The following PRIMPOL variants were observed in gnomAD, a reference collection of about 807,000 sequenced individuals.
PRIMPOL encodes DNA-directed primase/polymerase protein.
A neutral mutation model predicts 63.6 loss-of-function variants in PRIMPOL; 54 were observed. The ratio of observed to expected loss-of-function variants is 0.85; its 90% CI spans 0.68 to 1.07. The LOEUF (loss-of-function observed/expected upper bound fraction) is 1.07. PRIMPOL is among the 50% of genes least tolerant of loss of function. The pLI is 0.00. For missense variants in PRIMPOL, 610 were observed against 648.3 expected (o/e 0.94, Z 0.64); for synonymous variants, 197 against 220.2 (o/e 0.89, Z 0.93).
intron 6 of PRIMPOL, among the ~76,000 whole-genome samples, chr4:184,669,118 G>A (rs1247021866): frequency 6.6e-6 from 1 of 151,990 alleles, no homozygotes; most frequent in African/African-American, 2.4e-5. Flanking sequence ...ATACCTTTAG[G>A]GACTTGTCCT....
intron 1 of PRIMPOL, among the ~76,000 whole-genome samples, chr4:184,650,709 T>C (rs1579228718): frequency 6.6e-6 from 1 of 152,166 alleles, no homozygotes; most frequent in African/African-American, 2.4e-5. Flanking sequence ...CACCAACACA[T>C]GTGAGCACGA....
chr4:184,667,697 C>T (rs1438225801), intron 6 of PRIMPOL, among the ~76,000 whole-genome samples: 1 of 152,126 alleles, frequency 6.6e-6, no homozygotes, highest in Non-Finnish European at 1.5e-5. Flanking sequence ...TAATTTATCT[C>T]CTAGCACGCA....
rs549590522 is a variant in PRIMPOL at position 184,691,488 on chromosome 4, T to A, written c.1296-11T>A. On this transcript the variant is annotated splice_polypyrimidine_tract_variant and intron_variant, in intron 11 of 13. Coordinates refer to ENST00000314970, the MANE Select transcript of PRIMPOL (RefSeq NM_152683.4). Reference sequence around the variant, plus strand: ...GGTATTAATACTTTTTTTTTTTTTTTAAACATAAAGGATTCTGGTTGATCT... The same window carrying A: ...GGTATTAATACTTTTTTTTTTTTTTAAAACATAAAGGATTCTGGTTGATCT... 66 of 1,340,550 alleles carry A rather than the reference T, an allele frequency of 4.9e-5. No homozygotes were observed. The highest frequency in any genetic ancestry group is 3.6e-4 in the African/African-American group (24 of 67,540). The allele number at this position is 1,340,550 out of a possible 1,614,324, so 83.0% of individuals were successfully genotyped here. A position where few individuals can be genotyped will look rare whatever the true frequency, so the allele number is the denominator to read the frequency against.
intron 8 of PRIMPOL, among the ~76,000 whole-genome samples, chr4:184,679,078 A>G (rs1243806677): frequency 6.6e-6 from 1 of 152,160 alleles, no homozygotes; most frequent in Non-Finnish European, 1.5e-5. Flanking sequence ...TATAATTTGT[A>G]TAGCTCCTTT....
rs574108932 is a variant in PRIMPOL at position 184,665,738 on chromosome 4, C to A, written c.409-179C>A. On this transcript the variant is annotated intron_variant, in intron 5 of 13. Coordinates refer to ENST00000314970, the MANE Select transcript of PRIMPOL (RefSeq NM_152683.4). ...TAGGCTGGTCTCAAACTTCTGACTT[C>A]AAGTAATCTGCCCGCCTTGGCCTCC... Among the ~76,000 whole-genome samples the A allele has an allele frequency of 1.7e-4, 26 of 152,048 alleles. 1 individual carries two copies. The South Asian group carries it at 5.4e-3, about 32-fold the overall frequency.
intron 7 of PRIMPOL, among the ~76,000 whole-genome samples, chr4:184,673,945 CA>C (rs1159852627): frequency 6.6e-6 from 1 of 152,216 alleles, no homozygotes; most frequent in African/African-American, 2.4e-5. Context: ...GCCACACGGG[CA>C]GAGGCACCTT....
At position 184,669,045 on chromosome 4, in the gene PRIMPOL, C is replaced by T. The variant is rs888840383; in HGVS notation, c.556+2981C>T. On this transcript the variant is annotated intron_variant, in intron 6 of 13. Coordinates refer to ENST00000314970, the MANE Select transcript of PRIMPOL (RefSeq NM_152683.4). The stretch of plus-strand genomic sequence containing the variant: ...CACTTGCTGATGCTGCTGTCTGACA[C>T]GATGTGGTCTGTTCACCTGGTCCTC... Among the ~76,000 whole-genome samples, 7 of 152,106 alleles carry T rather than the reference C, an allele frequency of 4.6e-5. 1 individual carries two copies. The highest frequency in any genetic ancestry group is 1.4e-4 in the African/African-American group (6 of 41,416).
rs528449389 is a variant in PRIMPOL at position 184,673,613 on chromosome 4, C to T, written c.844+1153C>T. Among the ~76,000 whole-genome samples the T allele has an allele frequency of 8.6e-5, 13 of 151,928 alleles. No individual in the cohort carries two copies. In the East Asian group the frequency reaches 1.9e-3, roughly 23 times the overall value. Reference sequence around the variant, plus strand: ...CTAATTTTTGTATTTTTAGTACAGACGGGGTTTCACCATGTTGGCCAGGCT... The same window carrying T: ...CTAATTTTTGTATTTTTAGTACAGATGGGGTTTCACCATGTTGGCCAGGCT... On this transcript the variant is annotated intron_variant, in intron 7 of 13. Coordinates refer to ENST00000314970, the MANE Select transcript of PRIMPOL (RefSeq NM_152683.4).
chr4:184,651,290 C>CAAAAAAAAAAAAAAAAA (rs1203681677), intron 1 of PRIMPOL, among the ~76,000 whole-genome samples: 3 of 143,924 alleles, frequency 2.1e-5, no homozygotes, highest in African/African-American at 5.7e-5. Flanking sequence ...GACTCTGTCT[C>CAAAAAAAAAAAAAAAAA]AAAAAAAAGA....
At chr4:184,683,810 T>C (rs1756294117) in intron 9 of PRIMPOL, among the ~76,000 whole-genome samples, 2 of 152,208 alleles carry the variant, frequency 1.3e-5, no homozygotes, top group South Asian at 2.1e-4. Flanking sequence ...AGCAAAAAAC[T>C]GACAGCAATC....
chr4:184,664,714 T>TA (rs1197298462), intron 5 of PRIMPOL, among the ~76,000 whole-genome samples: 1 of 152,234 alleles, frequency 6.6e-6, no homozygotes, highest in Non-Finnish European at 1.5e-5. Flanking sequence ...AAATGTAGTC[T>TA]TTGTTCTGGA....
intron 1 of PRIMPOL, among the ~76,000 whole-genome samples, chr4:184,650,452 G>C (rs192366160): frequency 6.5e-4 from 99 of 152,132 alleles, no homozygotes; most frequent in African/African-American, 2.3e-3. Context: ...TAATGGAAGA[G>C]AGTGCTTGTT....
intron 1 of PRIMPOL, among the ~76,000 whole-genome samples, 174 bp from the exon 2 acceptor site, chr4:184,651,849 A>G (rs1291774519): frequency 6.6e-6 from 1 of 152,174 alleles, no homozygotes; most frequent in African/African-American, 2.4e-5. Context: ...GGGTTTCACC[A>G]TGTTGGCCAG....
Position 184,657,715 on chromosome 4 carries a change from C to T in PRIMPOL, c.180+395C>T, listed in dbSNP as rs377083666. 1.5e-3 allele frequency: 240 copies of T among 157,890 alleles called. 3 individuals carry two copies. The South Asian group carries it at 0.042, about 28-fold the overall frequency. 9.8% of individuals were successfully genotyped at this position (157,890 alleles called of 1,614,324 possible). A position where few individuals can be genotyped will look rare whatever the true frequency, so the allele number is the denominator to read the frequency against. On this transcript the variant is annotated intron_variant, in intron 3 of 13. Transcript: ENST00000314970. ...GTGCTGAAAAATAAAAATCACTGGC[C>T]GGGCGAGGTGGCTCATGCCTGTAAT...
At chr4:184,657,995 AAAATAAATAAATAAATAAAT>A (rs58284286) in intron 3 of PRIMPOL, among the ~76,000 whole-genome samples, 2 of 134,954 alleles carry the variant, frequency 1.5e-5, no homozygotes, top group African/African-American at 5.6e-5. Context: ...CTCCATCTCA[AAAATAAATAAATAAATAAAT>A]AAATAAATAA....
chr4:184,678,493 T>A (rs927666090), intron 8 of PRIMPOL, 99 bp downstream of exon 8: 8 of 904,044 alleles, frequency 8.8e-6, no homozygotes, highest in Non-Finnish European at 1.2e-5. Context: ...CTAAATTCAT[T>A]CTACCTTAAG....
chr4:184,686,767 T>C (rs1236425292), intron 11 of PRIMPOL, among the ~76,000 whole-genome samples: 1 of 152,000 alleles, frequency 6.6e-6, no homozygotes, highest in Non-Finnish European at 1.5e-5. Context: ...TGGAAACACA[T>C]TGGGTAGCAT....
chr4:184,682,740 A>G, intron 9 of PRIMPOL, among the ~76,000 whole-genome samples: 1 of 152,192 alleles, frequency 6.6e-6, no homozygotes, highest in Non-Finnish European at 1.5e-5. Context: ...AAGTGTTCAT[A>G]ATCACTGACC....
intron 5 of PRIMPOL, 96 bp downstream of exon 5, chr4:184,661,999 CTCT>C: frequency 9.0e-7 from 1 of 1,108,158 alleles, no homozygotes; most frequent in Non-Finnish European, 1.2e-6. Context: ...GGTTCTGTAT[CTCT>C]TCTTTTTCTT....
Sources: allele counts gnomAD v4.1 joint callset (sites outside exome capture counted in the v4.1 genomes callset), GRCh38; gene constraint gnomAD v4.1.1; transcripts MANE v1.5; gene names NCBI Gene and HGNC (gene_info 2026-07-23, HGNC 2026-07-21).